DYSF: variants seen among roughly 807,000 people sequenced by gnomAD.
DYSF encodes dysferlin.
Under a neutral mutation model 274.9 loss-of-function variants are expected in DYSF, and 212 were observed. The observed-to-expected ratio is 0.77, with a 90% CI of 0.69 to 0.86. DYSF has a LOEUF of 0.86. DYSF is among the 40% of genes least tolerant of loss of function. The probability of loss-of-function intolerance (pLI) is 0.00; values close to 1 mark genes in which losing one functional copy is unlikely to be tolerated. For synonymous variants in DYSF, 1,091 were observed against 1,078.7 expected, an observed-to-expected ratio of 1.01 and a Z score of -0.22; for missense variants, 2,666 against 2,783.2, an observed-to-expected ratio of 0.96 and a Z score of 0.95.
At chr2:71,671,465 A>G (rs2095120176) in intron 51 of DYSF, among the ~76,000 whole-genome samples, 1 of 152,196 alleles carries the variant, frequency 6.6e-6, no homozygotes, top group South Asian at 2.1e-4. Flanking sequence ...CCCCCGTGGC[A>G]CCCCCAGGGC....
At chr2:71,562,867 A>G (rs1315334378) in intron 23 of DYSF, among the ~76,000 whole-genome samples, 2 of 152,188 alleles carry the variant, frequency 1.3e-5, no homozygotes, top group Non-Finnish European at 2.9e-5. Context: ...CCAACCCCTC[A>G]GGCTGGTCAC....
Position 71,466,951 on chromosome 2 carries a change from G to T in DYSF, c.91+18G>T. On this transcript the variant is annotated intron_variant, in intron 1 of 55. Coordinates refer to ENST00000410020, the MANE Select transcript of DYSF (RefSeq NM_001130987.2). ...TTTCCGAGGTGAGAGCCCCGTGGCTGCCGCGCCCATGCTCGGGTGCTACCC... is the reference window on the plus strand; with the variant it reads ...TTTCCGAGGTGAGAGCCCCGTGGCTTCCGCGCCCATGCTCGGGTGCTACCC... 1 of 1,547,976 alleles carries T rather than the reference G, an allele frequency of 6.5e-7. No individual in the cohort carries two copies. Among genetic ancestry groups the T allele is most frequent in the Non-Finnish European group, 8.7e-7 (1 of 1,144,792 alleles).
intron 42 of DYSF, among the ~76,000 whole-genome samples, chr2:71,655,073 A>G (rs558114568): frequency 6.6e-6 from 1 of 152,270 alleles, no homozygotes; most frequent in East Asian, 1.9e-4. Context: ...CCTGGGTGAC[A>G]GAGTGAGACT....
intron 16 of DYSF, among the ~76,000 whole-genome samples, chr2:71,537,415 T>G (rs532940942): frequency 1.3e-5 from 2 of 152,060 alleles, no homozygotes; most frequent in East Asian, 3.9e-4. Flanking sequence ...CTGGCTAATT[T>G]TTGTATTTTT....
At position 71,665,263 on chromosome 2, in the gene DYSF, G is replaced by A. The variant is rs147678255; in HGVS notation, c.5276G>A (p.Arg1759His). 3.2e-4 allele frequency: 521 copies of A among 1,614,172 alleles called. 1 individual carries two copies. The highest frequency in any genetic ancestry group is 4.1e-4 in the Non-Finnish European group (483 of 1,180,026). Reference protein sequence around the residue: ...RVKAPVYRTDRVMFQDKEYSI... With the variant: ...RVKAPVYRTDHVMFQDKEYSI... ...AAGGCACCTGTGTACCGGACAGACC[G>A]TGTAATGTTTCAGGATAAAGAATAT... Residue 1759 changes from arginine (R) to histidine (H), a missense_variant, in exon 47 of 56, where the codon CGT becomes CAT. By Grantham distance (29) the Arg-to-His change is conservative (BLOSUM62 0). Coordinates refer to ENST00000410020, the MANE Select transcript of DYSF (RefSeq NM_001130987.2).
chr2:71,682,414 G>A, intron 54 of DYSF, 116 bp from the exon 55 acceptor site: 1 of 1,328,260 alleles, frequency 7.5e-7, no homozygotes, highest in Non-Finnish European at 1.1e-6. Flanking sequence ...GGCCTGGGCA[G>A]GCGCTGGGGG....
chr2:71,575,718 C>G (rs1281873434), intron 30 of DYSF, among the ~76,000 whole-genome samples: 4 of 152,080 alleles, frequency 2.6e-5, no homozygotes, highest in African/African-American at 9.7e-5. Flanking sequence ...AGGAAAGCAC[C>G]CTGTGTAATC....
chr2:71,530,069 G>T (rs1358396373), intron 14 of DYSF, among the ~76,000 whole-genome samples: 3 of 152,164 alleles, frequency 2.0e-5, no homozygotes, highest in Non-Finnish European at 4.4e-5. Flanking sequence ...TCATGTGGAG[G>T]TGTAAATGCT....
chr2:71,486,680 G>A (rs2083394271), intron 3 of DYSF, among the ~76,000 whole-genome samples: 1 of 152,168 alleles, frequency 6.6e-6, no homozygotes, highest in Non-Finnish European at 1.5e-5. Flanking sequence ...ACCCATGAGA[G>A]GGGCAGCCCT....
At chr2:71,455,069 T>A (rs1229705756) in intron 1 of DYSF, among the ~76,000 whole-genome samples, 1 of 152,190 alleles carries the variant, frequency 6.6e-6, no homozygotes, top group African/African-American at 2.4e-5. Flanking sequence ...CCAGAAATCA[T>A]AGCATTAGTT....
chr2:71,566,285 C>G (rs1424779144), intron 24 of DYSF, among the ~76,000 whole-genome samples: 1 of 147,004 alleles, frequency 6.8e-6, no homozygotes, highest in Non-Finnish European at 1.5e-5. Context: ...GGGATGAGCT[C>G]CAGGTTCTGA....
intron 17 of DYSF, among the ~76,000 whole-genome samples, chr2:71,544,813 C>G (rs556460334): frequency 6.6e-6 from 1 of 152,298 alleles, no homozygotes; most frequent in African/African-American, 2.4e-5. Flanking sequence ...AGGCAGCTAT[C>G]AGAGGCATGT....
chr2:71,669,853 C>T, intron 51 of DYSF, 107 bp downstream of exon 51: 4 of 1,489,604 alleles, frequency 2.7e-6, no homozygotes, highest in Non-Finnish European at 3.7e-6. Context: ...TCACTGCTGC[C>T]CCACCATGTT....
chr2:71,546,520 C>G (rs1272495014), intron 17 of DYSF, among the ~76,000 whole-genome samples: 3 of 152,194 alleles, frequency 2.0e-5, no homozygotes, highest in Non-Finnish European at 4.4e-5. Flanking sequence ...TTCCTTGGAC[C>G]CTGTGCTCTG....
chr2:71,501,187 G>A (rs1300888755), intron 3 of DYSF, among the ~76,000 whole-genome samples: 1 of 152,056 alleles, frequency 6.6e-6, no homozygotes, highest in Non-Finnish European at 1.5e-5. Flanking sequence ...ACACTGTGAG[G>A]GGGTTTCAAA....
chr2:71,604,388 G>A (rs1292120646), intron 36 of DYSF, among the ~76,000 whole-genome samples: 1 of 152,202 alleles, frequency 6.6e-6, no homozygotes, highest in Non-Finnish European at 1.5e-5. Context: ...TCTTTGCTGT[G>A]ACCAAGCTCC....
chr2:71,572,075 CCCA>C (rs2092513648), intron 29 of DYSF, among the ~76,000 whole-genome samples: 1 of 145,130 alleles, frequency 6.9e-6, no homozygotes, highest in Non-Finnish European at 1.5e-5. Flanking sequence ...ACAGATCACA[CCCA>C]GCACACCCAC....
intron 14 of DYSF, among the ~76,000 whole-genome samples, chr2:71,532,929 T>C (rs1402434893): frequency 6.6e-6 from 1 of 152,130 alleles, no homozygotes. Context: ...ATCAATCCAT[T>C]TCTTCCTTTT....
At position 71,567,686 on chromosome 2, in the gene DYSF, C is replaced by A. The variant is rs186438587; in HGVS notation, c.2566-265C>A. Among the ~76,000 whole-genome samples, 17 of 152,164 alleles carry A rather than the reference C, an allele frequency of 1.1e-4. No individual in the cohort carries two copies. The East Asian group carries it at 3.3e-3, about 29-fold the overall frequency. On this transcript the variant is annotated intron_variant, in intron 24 of 55. Transcript: ENST00000410020. ...GTCCTGGGCTAGACATGGTTCTTCT[C>A]TGCAGAGCGCTCCTAGGAGGGAATG...
Sources: gnomAD v4.1 joint callset for allele counts (sites outside exome capture counted in the v4.1 genomes callset) on GRCh38, gnomAD v4.1.1 for gene constraint, MANE v1.5 for transcripts, NCBI Gene and HGNC (gene_info 2026-07-23, HGNC 2026-07-21) for gene names.